EMP2: variants seen among roughly 807,000 people sequenced by gnomAD.
The protein encoded by EMP2 is epithelial membrane protein 2.
EMP2 carries 19 observed loss-of-function variants against 13.7 expected under a neutral mutation model. The ratio of observed to expected loss-of-function variants is 1.38; its 90% confidence interval spans 0.97 to 2.03. EMP2 has a LOEUF of 2.03. Ranked by LOEUF, EMP2 falls within the 30% of genes most tolerant of loss-of-function variation. The pLI is 0.00. For missense variants in EMP2, 253 were observed against 220.7 expected (o/e 1.15, Z -0.93); for synonymous variants, 97 against 84.7 (o/e 1.15, Z -0.80).
chr16:10,554,863 A>G (rs1461618946), intron 1 of EMP2, among the ~76,000 whole-genome samples: 1 of 152,126 alleles, frequency 6.6e-6, no homozygotes, highest in Non-Finnish European at 1.5e-5. Context: ...ATCTCCCCAG[A>G]AAAGCACCCC....
intron 1 of EMP2, among the ~76,000 whole-genome samples, chr16:10,579,296 T>A (rs1285271292): frequency 6.6e-6 from 1 of 152,194 alleles, no homozygotes; most frequent in Non-Finnish European, 1.5e-5. Flanking sequence ...AGCAATAATG[T>A]GTCGGTTCTT....
At chr16:10,577,629 T>A (rs1379644258) in intron 1 of EMP2, among the ~76,000 whole-genome samples, 2 of 152,112 alleles carry the variant, frequency 1.3e-5, no homozygotes, top group African/African-American at 2.4e-5. Flanking sequence ...CCATCCCTTC[T>A]ATGATGCCAA....
At chr16:10,567,730 C>A (rs2050917631) in intron 1 of EMP2, among the ~76,000 whole-genome samples, 2 of 152,162 alleles carry the variant, frequency 1.3e-5, no homozygotes, top group Admixed American at 6.5e-5. Context: ...GGCCGTAACA[C>A]CCTCATACAG....
chr16:10,567,517 C>G (rs1485362422), intron 1 of EMP2, among the ~76,000 whole-genome samples: 1 of 152,198 alleles, frequency 6.6e-6, no homozygotes, highest in African/African-American at 2.4e-5. Flanking sequence ...AGACCAGGCT[C>G]TGGAACACAC....
rs1238305040 is a variant in EMP2 at position 10,528,653 on chromosome 16, A to G, written c.*4252T>C. The G allele has an allele frequency of 6.6e-6, 1 of 152,214 alleles. No homozygotes were observed. The highest frequency in any genetic ancestry group is 1.5e-5 in the Non-Finnish European group (1 of 68,040). 9.4% of individuals were successfully genotyped at this position (152,214 alleles called of 1,614,324 possible). On this transcript the variant is annotated 3_prime_UTR_variant, in exon 5 of 5. Transcript: ENST00000359543. Reference sequence around the variant, plus strand: ...AGAAAATGGACTATTTTAAAGGTACATTAAGTAGAAAGTTTCTAACTACCC... The same window carrying G: ...AGAAAATGGACTATTTTAAAGGTACGTTAAGTAGAAAGTTTCTAACTACCC...
intron 3 of EMP2, 150 bp from the exon 4 acceptor site, chr16:10,538,224 G>T: frequency 1.1e-6 from 1 of 895,514 alleles, no homozygotes; most frequent in Non-Finnish European, 1.7e-6. Context: ...GAGCACAAGG[G>T]CAGCCAAGGC....
At chr16:10,552,796 G>C (rs901544857) in intron 1 of EMP2, among the ~76,000 whole-genome samples, 3 of 152,216 alleles carry the variant, frequency 2.0e-5, no homozygotes, top group Non-Finnish European at 2.9e-5. Flanking sequence ...CAGGGTGGTT[G>C]TCAAATGCTG....
chr16:10,561,673 T>C (rs1442503491), intron 1 of EMP2, among the ~76,000 whole-genome samples: 3 of 152,232 alleles, frequency 2.0e-5, no homozygotes, highest in South Asian at 2.1e-4. Flanking sequence ...TGATGTTGCC[T>C]TGTAGTTGTT....
In EMP2 at chr16:10,547,545, C is replaced by G. The variant is rs768678154; in HGVS notation, c.73G>C (p.Asp25His). The change falls in exon 2 of 5, where the codon GAC (aspartate) becomes CAC (histidine). Residue 25 changes from aspartate to histidine, a missense_variant. Physicochemically the swap from Asp to His is moderately conservative, Grantham distance 81 (BLOSUM62 -1). Coordinates refer to ENST00000359543, the MANE Select transcript of EMP2 (RefSeq NM_001424.6). ...SAALLFIATV[D>H]NAWWVGDEFF... ...TGGCAGGAAAGGAAACTTACATTGT[C>G]GACGGTGGCAATGAACAGCAAGGCT... The G allele has an allele frequency of 1.9e-6, 3 of 1,613,916 alleles. No individual in the cohort carries two copies. The highest frequency in any genetic ancestry group is 2.5e-6 in the Non-Finnish European group (3 of 1,179,994).
intron 1 of EMP2, among the ~76,000 whole-genome samples, chr16:10,555,715 G>A (rs2050822589): frequency 6.6e-6 from 1 of 151,876 alleles, no homozygotes; most frequent in Non-Finnish European, 1.5e-5. Flanking sequence ...AGCCTCCCAA[G>A]TAGCTGGGAT....
chr16:10,550,767 G>C (rs2050781217), intron 1 of EMP2, among the ~76,000 whole-genome samples: 1 of 152,144 alleles, frequency 6.6e-6, no homozygotes, highest in Non-Finnish European at 1.5e-5. Flanking sequence ...CTGAGGTCTG[G>C]AGTTCGAGAC....
chr16:10,566,687 C>T (rs576557537), intron 1 of EMP2, among the ~76,000 whole-genome samples: 33 of 152,344 alleles, frequency 2.2e-4, no homozygotes, highest in African/African-American at 7.7e-4. Context: ...CAGTTCTCCA[C>T]TTCTCTGAAT....
chr16:10,572,364 T>C lies in EMP2; in HGVS notation c.-61+8185A>G, dbSNP rs576015454. ...CAGGAGGCTGAGGACAGAGGATCAC[T>C]TGAGCCCAGGTGTTCGCGGCTGCCG... On this transcript the variant is annotated intron_variant, in intron 1 of 4. Transcript: ENST00000359543. Among the ~76,000 whole-genome samples, 7 of 152,186 alleles carry C rather than the reference T, an allele frequency of 4.6e-5. No individual in the cohort carries two copies. The South Asian group carries it at 1.5e-3, about 32-fold the overall frequency.
At chr16:10,539,985 A>C (rs1282196079) in intron 3 of EMP2, among the ~76,000 whole-genome samples, 1 of 152,092 alleles carries the variant, frequency 6.6e-6, no homozygotes, top group Non-Finnish European at 1.5e-5. Flanking sequence ...GGGCACCAGG[A>C]ATCTGTATTT....
chr16:10,564,490 CAAAA>C (rs34683301), intron 1 of EMP2, among the ~76,000 whole-genome samples: 2 of 70,880 alleles, frequency 2.8e-5, no homozygotes, highest in Non-Finnish European at 2.9e-5. Flanking sequence ...GACTCTGTCT[CAAAA>C]AAAAAAAAAA....
intron 1 of EMP2, among the ~76,000 whole-genome samples, chr16:10,568,397 G>A (rs970204257): frequency 6.6e-6 from 1 of 152,128 alleles, no homozygotes; most frequent in African/African-American, 2.4e-5. Flanking sequence ...ATATTTACAT[G>A]TGTATTCACA....
At chr16:10,541,417 G>A (rs2050697987) in intron 3 of EMP2, among the ~76,000 whole-genome samples, 1 of 152,182 alleles carries the variant, frequency 6.6e-6, no homozygotes, top group Non-Finnish European at 1.5e-5. Context: ...GTGTGTGTGT[G>A]TGTGTAAACA....
chr16:10,565,255 A>G (rs900932780), intron 1 of EMP2, among the ~76,000 whole-genome samples: 46 of 152,334 alleles, frequency 3.0e-4, no homozygotes, highest in African/African-American at 1.0e-3. Context: ...TAATGCGTCA[A>G]CTTGTCTGGG....
At chr16:10,539,383 G>C (rs1372800368) in intron 3 of EMP2, among the ~76,000 whole-genome samples, 2 of 152,256 alleles carry the variant, frequency 1.3e-5, no homozygotes, top group East Asian at 3.9e-4. Context: ...CGGTTGCTTG[G>C]AGAGCATCTA....
Sources: gnomAD v4.1 joint callset for allele counts (sites outside exome capture counted in the v4.1 genomes callset) on GRCh38, gnomAD v4.1.1 for gene constraint, MANE v1.5 for transcripts, NCBI Gene and HGNC (gene_info 2026-07-23, HGNC 2026-07-21) for gene names.